C2orf42: variants seen among roughly 807,000 people sequenced by gnomAD.
The protein encoded by C2orf42 is chromosome 2 open reading frame 42.
C2orf42 carries 44 observed loss-of-function variants against 58.9 expected under a neutral mutation model. The observed-to-expected ratio is 0.75, with a 90% CI of 0.59 to 0.96. The LOEUF is 0.96. Among genes scored for constraint, C2orf42 ranks in the 40% least tolerant of loss-of-function variants. The probability of loss-of-function intolerance (pLI) is 0.00; values close to 1 mark genes in which losing one functional copy is unlikely to be tolerated. For missense variants in C2orf42, 630 were observed against 699.2 expected (o/e 0.90, Z 1.12); for synonymous variants, 239 against 265.4 (o/e 0.90, Z 0.97).
At chr2:70,187,857 A>C (rs895627555) in intron 1 of C2orf42, among the ~76,000 whole-genome samples, 2 of 149,588 alleles carry the variant, frequency 1.3e-5, no homozygotes, top group African/African-American at 2.5e-5. Flanking sequence ...CGCCCAGCTA[A>C]TTTTTGTATT....
chr2:70,165,583 C>T lies in C2orf42; in HGVS notation c.1197G>A (p.Leu399=). 7.4e-6 allele frequency: 12 copies of T among 1,611,508 alleles called. No individual in the cohort carries two copies. The highest frequency in any genetic ancestry group is 1.0e-5 in the Non-Finnish European group (12 of 1,178,548). The change falls in exon 7 of 10, where the codon CTG becomes CTA. Residue 399 remains leucine (L), a synonymous_variant. Transcript: ENST00000264434. ...FHIPQSFFDA[L]QQRISIGSAK... is the part of the protein sequence containing the mutation. ...CACTTCCTATAGATATTCTTTGTTG[C>T]AGGGCATCAAAAAATGACTGAGGAA...
intron 9 of C2orf42, among the ~76,000 whole-genome samples, chr2:70,152,706 G>A (rs982672699): frequency 2.6e-5 from 4 of 152,136 alleles, no homozygotes; most frequent in African/African-American, 9.7e-5. Flanking sequence ...CTTGATGACT[G>A]CAAAGGGGAC....
chr2:70,167,690 G>GA (rs1673494042), intron 6 of C2orf42, among the ~76,000 whole-genome samples: 1 of 151,150 alleles, frequency 6.6e-6, no homozygotes, highest in South Asian at 2.1e-4. Flanking sequence ...GCAGTGAACT[G>GA]AGATTGTACC....
rs756908844 is a variant in C2orf42 at position 70,181,766 on chromosome 2, C to A, written c.220G>T (p.Val74Phe). The A allele has an allele frequency of 1.9e-6, 3 of 1,614,008 alleles. No homozygotes were observed. The highest frequency in any genetic ancestry group is 2.7e-5 in the African/African-American group (2 of 74,910). The stretch of plus-strand genomic sequence containing the variant: ...CGGTCTCTTTGCCGCACTGAGTAGA[C>A]CTGAAGATCAGAGCCTGTAATGATT... ...VKIITGSDLQ[V>F]YSVRQRDRGP... Residue 74 changes from valine to phenylalanine, a missense_variant, in exon 3 of 10, where the codon GTC (valine) becomes TTC (phenylalanine). Coordinates refer to ENST00000264434, the MANE Select transcript of C2orf42 (RefSeq NM_017880.3).
Position 70,181,321 on chromosome 2 carries a change from A to C in C2orf42, c.665T>G (p.Phe222Cys), listed in dbSNP as rs368806668. The C allele has an allele frequency of 1.0e-4, 166 of 1,613,954 alleles. No individual in the cohort carries two copies. The highest frequency in any genetic ancestry group is 1.6e-4 in the Middle Eastern group (1 of 6,084). The change falls in exon 3 of 10, where the codon TTC (phenylalanine) becomes TGC (cysteine). Residue 222 changes from phenylalanine (F) to cysteine (C), a missense_variant. Coordinates refer to ENST00000264434, the MANE Select transcript of C2orf42 (RefSeq NM_017880.3). The stretch of plus-strand genomic sequence containing the variant: ...TTTCAGAGTCTGACAGGAGCAGAAG[A>C]AGCGGCGCTCAGGCAAGCTTTTGCC... Reference protein sequence around the residue: ...VSGKSLPERRFFCSCQTLKSH... With the variant: ...VSGKSLPERRCFCSCQTLKSH...
At chr2:70,190,943 C>G (rs892338060) in intron 1 of C2orf42, 30 bp downstream of exon 1, 1 of 152,900 alleles carries the variant, frequency 6.5e-6, no homozygotes, top group Non-Finnish European at 1.5e-5. Flanking sequence ...CCCGCGAGCC[C>G]CGGGGCCCTT....
chr2:70,156,770 G>A (rs1255985537), intron 9 of C2orf42, among the ~76,000 whole-genome samples: 1 of 151,686 alleles, frequency 6.6e-6, no homozygotes, highest in African/African-American at 2.4e-5. Flanking sequence ...GCTGAGGTGG[G>A]AGGATCGCTT....
chr2:70,153,236 G>A (rs989587775), intron 9 of C2orf42, among the ~76,000 whole-genome samples: 3 of 152,070 alleles, frequency 2.0e-5, no homozygotes, highest in African/African-American at 7.2e-5. Flanking sequence ...CACTGTGGTA[G>A]GAAAGAGAAA....
At chr2:70,168,901 G>A (rs1673597859) in intron 6 of C2orf42, among the ~76,000 whole-genome samples, 1 of 151,962 alleles carries the variant, frequency 6.6e-6, no homozygotes, top group Admixed American at 6.6e-5. Context: ...TTTTAGTAGA[G>A]ATAGGGTTTC....
chr2:70,165,267 T>C (rs1185781457), intron 7 of C2orf42, 75 bp from the exon 8 acceptor site: 1 of 819,994 alleles, frequency 1.2e-6, no homozygotes, highest in South Asian at 1.5e-5. Context: ...TTACCTAGTT[T>C]CTAATACAGT....
intron 5 of C2orf42, among the ~76,000 whole-genome samples, chr2:70,175,426 A>G (rs1229510689): frequency 6.6e-6 from 1 of 152,160 alleles, no homozygotes; most frequent in Non-Finnish European, 1.5e-5. Context: ...GCTCCCACTT[A>G]TAAGTAAGAA....
At chr2:70,170,485 T>C (rs1673735422) in intron 5 of C2orf42, among the ~76,000 whole-genome samples, 1 of 151,950 alleles carries the variant, frequency 6.6e-6, no homozygotes, top group Non-Finnish European at 1.5e-5. Flanking sequence ...TGGCCTCAAA[T>C]GATCTGCACG....
At chr2:70,165,726 C>T (rs1049377008) in intron 6 of C2orf42, 91 bp from the exon 7 acceptor site, 17 of 726,154 alleles carry the variant, frequency 2.3e-5, no homozygotes, top group Middle Eastern at 2.7e-4. Context: ...AATCAAGGGA[C>T]GGTAATAACT....
chr2:70,165,325 G>T, intron 7 of C2orf42, 133 bp from the exon 8 acceptor site: 1 of 642,636 alleles, frequency 1.6e-6, no homozygotes, highest in East Asian at 2.7e-5. Context: ...AGAAATTCTA[G>T]AGGCAAATAT....
intron 9 of C2orf42, among the ~76,000 whole-genome samples, chr2:70,151,482 A>C (rs1672306629): frequency 6.6e-6 from 1 of 151,990 alleles, no homozygotes; most frequent in Non-Finnish European, 1.5e-5. Flanking sequence ...AAAAATACAA[A>C]GATTATCCAG....
chr2:70,189,915 T>C (rs190985901), intron 1 of C2orf42, among the ~76,000 whole-genome samples: 4 of 150,384 alleles, frequency 2.7e-5, no homozygotes, highest in Admixed American at 2.7e-4. Context: ...CTTTGTAATA[T>C]GCTATTCTTG....
In C2orf42 at chr2:70,150,740, T is replaced by C. The variant is rs1672256453; in HGVS notation, c.1517-176A>G. 1.3e-5 allele frequency among the ~76,000 whole-genome samples: 2 copies of C among 152,120 alleles called. 1 individual carries two copies. Among genetic ancestry groups the C allele is most frequent in the South Asian group, 4.1e-4 (2 of 4,830 alleles). Reference sequence around the variant, plus strand: ...ATCAGATTTATTGATCATCATGAAGTTTTTGGGTTATTTTGTTTTTTTTGA... The same window carrying C: ...ATCAGATTTATTGATCATCATGAAGCTTTTGGGTTATTTTGTTTTTTTTGA... On this transcript the variant is annotated intron_variant, in intron 9 of 9. Coordinates refer to ENST00000264434, the MANE Select transcript of C2orf42 (RefSeq NM_017880.3).
chr2:70,183,637 C>T (rs906036102), intron 1 of C2orf42, among the ~76,000 whole-genome samples: 23 of 150,756 alleles, frequency 1.5e-4, no homozygotes, highest in Middle Eastern at 3.4e-3. Flanking sequence ...CACTGTGTTT[C>T]GATCTCCTGA....
At position 70,182,720 on chromosome 2, in the gene C2orf42, T is replaced by G. The variant is rs1180478103; in HGVS notation, c.-66A>C. The G allele has an allele frequency of 6.6e-6, 1 of 152,190 alleles. No individual in the cohort carries two copies. Among genetic ancestry groups the G allele is most frequent in the Non-Finnish European group, 1.5e-5 (1 of 68,040 alleles). 9.4% of individuals were successfully genotyped at this position (152,190 alleles called of 1,614,324 possible). A position where few individuals can be genotyped will look rare whatever the true frequency, so the allele number is the denominator to read the frequency against. ...ACAGTGTAACCTGAATTCATAAGAC[T>G]TAAAAGGTGTTTCATTAGTTTCTAA... is the stretch of plus-strand genomic sequence containing the variant. On this transcript the variant is annotated 5_prime_UTR_variant, in exon 2 of 10. Coordinates refer to ENST00000264434, the MANE Select transcript of C2orf42 (RefSeq NM_017880.3).
Sources: allele counts gnomAD v4.1 joint callset (sites outside exome capture counted in the v4.1 genomes callset), GRCh38; gene constraint gnomAD v4.1.1; transcripts MANE v1.5; gene names NCBI Gene and HGNC (gene_info 2026-07-23, HGNC 2026-07-21).